PIEZO2: variants seen among roughly 807,000 people sequenced by gnomAD.
PIEZO2 encodes piezo type mechanosensitive ion channel component 2, also known as piezo-type mechanosensitive ion channel component 2.
A neutral mutation model predicts 337.3 loss-of-function variants in PIEZO2; 172 were observed. The ratio of observed to expected loss-of-function variants is 0.51; its 90% CI spans 0.45 to 0.58. The LOEUF (loss-of-function observed/expected upper bound fraction) is 0.58, where lower values mean the gene tolerates loss of function less well. PIEZO2 is among the 20% of genes least tolerant of loss of function. PIEZO2 has a pLI of 0.00. For synonymous variants in PIEZO2, 1,251 were observed against 1,228.5 expected (o/e 1.02, Z -0.38); for missense variants, 3,028 against 3,391.3 (o/e 0.89, Z 2.66).
chr18:10,688,554 G>A (rs2034656777), intron 49 of PIEZO2, among the ~76,000 whole-genome samples: 1 of 152,096 alleles, frequency 6.6e-6, no homozygotes, highest in Admixed American at 6.5e-5. Context: ...GGTAGCTTTG[G>A]TTGTTAGAAA....
chr18:10,894,337 C>T lies in PIEZO2; in HGVS notation c.329+16849G>A, dbSNP rs1252775366. 6.6e-6 allele frequency among the ~76,000 whole-genome samples: 1 copy of T among 152,050 alleles called. No individual in the cohort carries two copies. Among genetic ancestry groups the T allele is most frequent in the Non-Finnish European group, 1.5e-5 (1 of 68,020 alleles). ...GGCGTGGTGGTGGACGCCTGTAATC[C>T]CAACTACTTGGGAGGCTGAGGCAGG... On this transcript the variant is annotated intron_variant, in intron 4 of 55. Coordinates refer to ENST00000674853, the MANE Select transcript of PIEZO2 (RefSeq NM_001378183.1). The surrounding 1 kb of genome is among the most constrained non-coding windows in gnomAD (Gnocchi z 4.1).
At chr18:11,141,163 A>G (rs1284894475) in intron 1 of PIEZO2, among the ~76,000 whole-genome samples, 2 of 152,226 alleles carry the variant, frequency 1.3e-5, no homozygotes, top group Non-Finnish European at 2.9e-5. Flanking sequence ...ACAGAACTCA[A>G]GAAGAACAGA....
Position 10,672,910 on chromosome 18 carries a change from G to A in PIEZO2, c.8162-37C>T. On this transcript the variant is annotated intron_variant, in intron 54 of 55. Transcript: ENST00000674853. The surrounding 1 kb of genome is among the most constrained non-coding windows in gnomAD (Gnocchi z 4.7). ...GAAATGCAAAATTAAGTTGACATGA[G>A]AATTTTAGGATTTCATGCACAGCAA... 2 of 1,525,122 alleles carry A rather than the reference G, an allele frequency of 1.3e-6. No homozygotes were observed. Among genetic ancestry groups the A allele is most frequent in the South Asian group, 1.2e-5 (1 of 83,776 alleles). 94.5% of individuals were successfully genotyped at this position (1,525,122 alleles called of 1,614,324 possible).
Position 10,794,710 on chromosome 18 carries a change from G to T in PIEZO2, c.1758+62C>A. 1 of 1,231,054 alleles carries T rather than the reference G, an allele frequency of 8.1e-7. No individual in the cohort carries two copies. The allele number at this position is 1,231,054 out of a possible 1,614,324, so 76.3% of individuals were successfully genotyped here. ...TTTTTATAAGGTTTCTCTTGGATAC[G>T]ATTATGATGATGATTGTGGTTTTGT... On this transcript the variant is annotated intron_variant, in intron 13 of 55. Coordinates refer to ENST00000674853, the MANE Select transcript of PIEZO2 (RefSeq NM_001378183.1). This position sits in a 1 kb window ranked among gnomAD's most constrained non-coding sequence, Gnocchi z 6.6.
chr18:11,064,083 G>A (rs866544510), intron 2 of PIEZO2, among the ~76,000 whole-genome samples: 13 of 151,948 alleles, frequency 8.6e-5, no homozygotes, highest in South Asian at 4.1e-4. Context: ...AAGAAACTTC[G>A]GAAATTTGTG....
At chr18:10,918,978 T>A (rs1163506145) in intron 3 of PIEZO2, among the ~76,000 whole-genome samples, 3 of 152,080 alleles carry the variant, frequency 2.0e-5, no homozygotes, top group Non-Finnish European at 2.9e-5. Context: ...ATTATAAGTA[T>A]ATGTAAAATT....
intron 1 of PIEZO2, among the ~76,000 whole-genome samples, chr18:11,100,133 T>C (rs890761779): frequency 3.3e-5 from 5 of 152,228 alleles, no homozygotes; most frequent in African/African-American, 1.2e-4. Flanking sequence ...CAGATATTTT[T>C]CTCACTGAAC....
intron 5 of PIEZO2, among the ~76,000 whole-genome samples, chr18:10,864,953 C>T (rs1375756539): frequency 6.6e-6 from 1 of 152,102 alleles, no homozygotes; most frequent in Non-Finnish European, 1.5e-5. Context: ...ATAGCAGAGC[C>T]CCGGAAAGAC....
In PIEZO2 at chr18:10,784,999, G is replaced by A. The variant is rs964681640; in HGVS notation, c.2319-42C>T. ...AATAAAAAGCAGGAACCTCTCTTAC[G>A]CAATGAAGTCACAAACTCTTTGTGA... On this transcript the variant is annotated intron_variant, in intron 16 of 55. Transcript: ENST00000674853. This position sits in a 1 kb window ranked among gnomAD's most constrained non-coding sequence, Gnocchi z 4.5. 33 of 1,502,940 alleles carry A rather than the reference G, an allele frequency of 2.2e-5. No homozygotes were observed. Among genetic ancestry groups the A allele is most frequent in the Admixed American group, 6.5e-5 (3 of 46,386 alleles). The allele number at this position is 1,502,940 out of a possible 1,614,324, so 93.1% of individuals were successfully genotyped here. A position where few individuals can be genotyped will look rare whatever the true frequency, so the allele number is the denominator to read the frequency against.
intron 2 of PIEZO2, among the ~76,000 whole-genome samples, chr18:11,030,570 A>G (rs982817681): frequency 6.6e-6 from 1 of 152,144 alleles, no homozygotes; most frequent in Admixed American, 6.6e-5. Context: ...GTTGCTGTCA[A>G]GTTTTACTCT....
intron 16 of PIEZO2, among the ~76,000 whole-genome samples, chr18:10,786,650 C>G (rs1253796994): frequency 6.6e-6 from 1 of 152,192 alleles, no homozygotes; most frequent in East Asian, 1.9e-4. Context: ...GCTAAATACT[C>G]CTTAGAATCT....
At chr18:11,147,829 G>A (rs112167068) in intron 1 of PIEZO2, among the ~76,000 whole-genome samples, 2,580 of 152,302 alleles carry the variant, frequency 0.017, 69 homozygotes, top group African/African-American at 0.056. Context: ...GTCCTCCCTG[G>A]GCCCTTGCCA....
chr18:10,764,874 T>G (rs1003299878), intron 21 of PIEZO2, among the ~76,000 whole-genome samples: 2 of 152,206 alleles, frequency 1.3e-5, no homozygotes, highest in Non-Finnish European at 2.9e-5. Context: ...ATTAGCGAAT[T>G]GACTCTTCCT....
chr18:11,138,740 A>G (rs2040558312), intron 1 of PIEZO2, among the ~76,000 whole-genome samples: 1 of 152,228 alleles, frequency 6.6e-6, no homozygotes, highest in Non-Finnish European at 1.5e-5. Context: ...TTAATACAAC[A>G]TTCTGTAATG....
chr18:10,864,740 G>A (rs1043370283), intron 5 of PIEZO2, among the ~76,000 whole-genome samples: 3 of 152,198 alleles, frequency 2.0e-5, no homozygotes, highest in Non-Finnish European at 4.4e-5. Context: ...CAAGAGTGGG[G>A]ACAAAAGCAT....
At chr18:11,088,408 A>G (rs1285181757) in intron 1 of PIEZO2, among the ~76,000 whole-genome samples, 1 of 152,250 alleles carries the variant, frequency 6.6e-6, no homozygotes, top group African/African-American at 2.4e-5. Flanking sequence ...TTCTATTTTA[A>G]ACAACACTTC....
At chr18:10,866,016 AG>A (rs1291623461) in intron 5 of PIEZO2, among the ~76,000 whole-genome samples, 10 of 152,248 alleles carry the variant, frequency 6.6e-5, no homozygotes, top group Non-Finnish European at 1.3e-4. Flanking sequence ...TGATCTAAAA[AG>A]ATAGTTAAAG....
chr18:11,062,468 A>C (rs985995768), intron 2 of PIEZO2, among the ~76,000 whole-genome samples: 1 of 152,232 alleles, frequency 6.6e-6, no homozygotes, highest in Non-Finnish European at 1.5e-5. Flanking sequence ...CAGAGTGAAC[A>C]GGCAACCTAC....
intron 36 of PIEZO2, among the ~76,000 whole-genome samples, chr18:10,729,882 A>G (rs1918674): frequency 0.31 from 47,693 of 152,072 alleles, 8,123 homozygotes; most frequent in East Asian, 0.54. Flanking sequence ...TTTTTCACTT[A>G]ATAATGTGTC....
Sources: gnomAD v4.1 joint callset for allele counts (sites outside exome capture counted in the v4.1 genomes callset) on GRCh38, gnomAD v4.1.1 for gene constraint, Gnocchi (gnomAD v3.1) non-coding constraint, MANE v1.5 for transcripts, NCBI Gene and HGNC (gene_info 2026-07-23, HGNC 2026-07-21) for gene names.